Variants in PFKL observed in about 807,000 individuals in gnomAD.
PFKL encodes the protein phosphofructokinase, liver type.
PFKL carries 74 observed loss-of-function variants against 92.1 expected under a neutral mutation model. That is an observed-to-expected ratio of 0.80 (90% CI 0.67 to 0.97). PFKL has a LOEUF of 0.97. PFKL is among the 50% of genes least tolerant of loss of function. The pLI is 0.00. For synonymous variants in PFKL, 494 were observed against 456.4 expected, an observed-to-expected ratio of 1.08 and a Z score of -1.05; for missense variants, 1,028 against 1,116.6, an observed-to-expected ratio of 0.92 and a Z score of 1.13.
chr21:44,322,672 T>C (rs1365425967), intron 14 of PFKL, among the ~76,000 whole-genome samples: 4 of 152,148 alleles, frequency 2.6e-5, no homozygotes, highest in African/African-American at 9.7e-5. Context: ...CCGCTGAGTG[T>C]TGGGCGAGAA....
intron 13 of PFKL, 44 bp from the exon 14 acceptor site, chr21:44,322,089 C>T (rs1294147927): frequency 5.1e-6 from 8 of 1,573,260 alleles, no homozygotes; most frequent in African/African-American, 4.0e-5. Flanking sequence ...GGGAATTGGC[C>T]AGAGGCTCAG....
chr21:44,323,415 G>A (rs980008493), intron 15 of PFKL, among the ~76,000 whole-genome samples: 1 of 152,182 alleles, frequency 6.6e-6, no homozygotes, highest in Non-Finnish European at 1.5e-5. Context: ...TGTAGGTGCT[G>A]GACGGCATCG....
At chr21:44,315,335 A>G (rs931596950) in intron 7 of PFKL, 10 of 152,348 alleles carry the variant, frequency 6.6e-5, no homozygotes, top group Admixed American at 5.9e-4. Context: ...CCCCTGTAAC[A>G]TGCGGGTTCC....
chr21:44,300,255 C>T, intron 1 of PFKL, 65 bp downstream of exon 1: 2 of 786,214 alleles, frequency 2.5e-6, no homozygotes, highest in Non-Finnish European at 3.1e-6. Context: ...CTGGCCTCTC[C>T]GGAGCGCCCG....
At chr21:44,311,195 C>CACAG in intron 3 of PFKL, 112 bp downstream of exon 3, 13 of 731,128 alleles carry the variant, frequency 1.8e-5, no homozygotes, top group Non-Finnish European at 3.0e-5. Flanking sequence ...CACAAACACA[C>CACAG]ACATGCAGAC....
At chr21:44,313,806 C>G in intron 6 of PFKL, 107 bp from the exon 7 acceptor site, 1 of 1,322,066 alleles carries the variant, frequency 7.6e-7, no homozygotes. Context: ...GGGTGGGGGC[C>G]GGGAGAGACA....
chr21:44,316,000 T>A (rs993710355), intron 7 of PFKL: 10 of 543,920 alleles, frequency 1.8e-5, no homozygotes, highest in Non-Finnish European at 3.0e-5. Context: ...CCTGCTGCCC[T>A]TCCCAGGCTT....
At position 44,300,173 on chromosome 21, in the gene PFKL, G is replaced by T; in HGVS notation, c.68G>T (p.Ser23Ile). The change falls in exon 1 of 22, where the codon AGC becomes ATC. Residue 23 changes from serine to isoleucine, a missense_variant. Physicochemically the swap from Ser to Ile is moderately radical, Grantham distance 142 (BLOSUM62 -2). Transcript: ENST00000349048. Reference sequence around the variant, plus strand: ...GGCAAGGCCATCGGCGTCCTGACCAGCGGCGGCGACGCGCAAGGTGGGCGG... The same window carrying T: ...GGCAAGGCCATCGGCGTCCTGACCATCGGCGGCGACGCGCAAGGTGGGCGG... ...GAGKAIGVLT[S>I]GGDAQGMNAA... 8.6e-7 allele frequency: 1 copy of T among 1,160,086 alleles called. No homozygotes were observed. Among genetic ancestry groups the T allele is most frequent in the Non-Finnish European group, 1.1e-6 (1 of 932,682 alleles). The allele number at this position is 1,160,086 out of a possible 1,614,324, so 71.9% of individuals were successfully genotyped here. A position where few individuals can be genotyped will look rare whatever the true frequency, so the allele number is the denominator to read the frequency against.
chr21:44,323,726 T>G lies in PFKL; in HGVS notation c.1498-40T>G, dbSNP rs749898539. On this transcript the variant is annotated intron_variant, in intron 15 of 21. Transcript: ENST00000349048. ...AGCCTGTCCCCGGCCCACCCTGGCC[T>G]CGGTGCTGCCCTTGACCTGCCCCGT... is the stretch of plus-strand genomic sequence containing the variant. The G allele has an allele frequency of 1.9e-6, 3 of 1,581,944 alleles. No individual in the cohort carries two copies. The Admixed American group carries it at 5.3e-5, about 28-fold the overall frequency.
rs199922371 is a variant in PFKL, at chr21:44,313,967, C to T, written c.693C>T (p.Pro231=). 1.9e-4 allele frequency: 309 copies of T among 1,608,452 alleles called. No individual in the cohort carries two copies. Among genetic ancestry groups the T allele is most frequent in the East Asian group, 3.4e-4 (15 of 44,718 alleles). ...LASGADWLFI[P]EAPPEDGWEN... ...CAGGGGCCGACTGGCTGTTCATCCCCGAGGCTCCACCCGAGGACGGCTGGG... is the reference window on the plus strand; with the variant it reads ...CAGGGGCCGACTGGCTGTTCATCCCTGAGGCTCCACCCGAGGACGGCTGGG... Residue 231 remains proline, a synonymous_variant, in exon 7 of 22, where the codon CCC becomes CCT. Coordinates refer to ENST00000349048, the MANE Select transcript of PFKL (RefSeq NM_002626.6).
Position 44,323,770 on chromosome 21 carries a change from A to G in PFKL, c.1502A>G (p.Tyr501Cys), listed in dbSNP as rs2047420978. 1 of 1,611,920 alleles carries G rather than the reference A, an allele frequency of 6.2e-7. No homozygotes were observed. Among genetic ancestry groups the G allele is most frequent in the South Asian group, 1.1e-5 (1 of 90,800 alleles). Reference protein sequence around the residue: ...ALLVVGGFEAYEGVLQLVEAR... With the variant: ...ALLVVGGFEACEGVLQLVEAR... The stretch of plus-strand genomic sequence containing the variant: ...GCCCCGTCCCTACTGCTGCAGGCCT[A>G]TGAAGGGGTGCTGCAGCTGGTGGAG... Residue 501 changes from tyrosine (Y) to cysteine (C), a missense_variant, in exon 16 of 22, where the codon TAT (tyrosine) becomes TGT (cysteine). Transcript: ENST00000349048.
intron 3 of PFKL, 103 bp downstream of exon 3, chr21:44,311,186 A>G (rs576892560): frequency 2.5e-6 from 2 of 789,538 alleles, no homozygotes; most frequent in South Asian, 1.7e-5. Context: ...AGACACGTGC[A>G]CAAACACACA....
chr21:44,318,726 C>A, intron 10 of PFKL, 131 bp downstream of exon 10: 38 of 540,916 alleles, frequency 7.0e-5, no homozygotes, highest in East Asian at 8.6e-5. Context: ...TGGCCCAGGG[C>A]ATCCCAGGTC....
intron 11 of PFKL, 185 bp from the exon 12 acceptor site, chr21:44,319,899 T>C (rs1345260175): frequency 1.7e-6 from 1 of 590,984 alleles, no homozygotes; most frequent in Non-Finnish European, 3.0e-6. Flanking sequence ...TCGTGTTGTG[T>C]TGGGGGTCTC....
rs751954734 is a variant in PFKL, at chr21:44,312,202, A to G, written c.335A>G (p.Asn112Ser). ...AACCTGGTCCAGCACGGCATCACCAACCTGTGCGTCATCGGCGGGGATGGC... is the reference window on the plus strand; with the variant it reads ...AACCTGGTCCAGCACGGCATCACCAGCCTGTGCGTCATCGGCGGGGATGGC... The part of the protein sequence containing the change: ...AYNLVQHGIT[N>S]LCVIGGDGSL... The change falls in exon 4 of 22, where the codon AAC becomes AGC. Residue 112 changes from asparagine to serine, a missense_variant. Transcript: ENST00000349048. The G allele has an allele frequency of 1.2e-6, 2 of 1,606,636 alleles. No homozygotes were observed. The highest frequency in any genetic ancestry group is 1.1e-5 in the South Asian group (1 of 89,886).
chr21:44,315,784 G>A (rs777626765), intron 7 of PFKL: 13 of 209,854 alleles, frequency 6.2e-5, no homozygotes, highest in Admixed American at 1.1e-4. Context: ...CCAGCGATGC[G>A]GGGCCCCTGG....
chr21:44,324,832 C>T, intron 17 of PFKL, 24 bp from the exon 18 acceptor site: 2 of 1,601,932 alleles, frequency 1.2e-6, no homozygotes, highest in Non-Finnish European at 1.7e-6. Flanking sequence ...TCCTCCGGCT[C>T]ATCCGTGTCC....
rs2047535282 is a variant in PFKL, at chr21:44,327,071, G to A, written c.*209G>A. On this transcript the variant is annotated 3_prime_UTR_variant, in exon 22 of 22. Coordinates refer to ENST00000349048, the MANE Select transcript of PFKL (RefSeq NM_002626.6). The stretch of plus-strand genomic sequence containing the variant: ...ACCAGCCTGCCAGGCCCTCCAGCAG[G>A]AGGACAGAGTGCCCTGGGGCATCCA... 6.7e-6 allele frequency: 4 copies of A among 594,038 alleles called. No individual in the cohort carries two copies. The highest frequency in any genetic ancestry group is 1.2e-5 in the Non-Finnish European group (4 of 332,900). 36.8% of individuals were successfully genotyped at this position (594,038 alleles called of 1,614,324 possible). A position where few individuals can be genotyped will look rare whatever the true frequency, so the allele number is the denominator to read the frequency against.
intron 12 of PFKL, chr21:44,321,214 G>C (rs946360843): frequency 1.3e-5 from 2 of 152,524 alleles, no homozygotes; most frequent in African/African-American, 4.8e-5. Flanking sequence ...TGGGTGGAGG[G>C]GAGGTGGTGG....
Sources: allele counts gnomAD v4.1 joint callset (sites outside exome capture counted in the v4.1 genomes callset), GRCh38; gene constraint gnomAD v4.1.1; transcripts MANE v1.5; gene names NCBI Gene and HGNC (gene_info 2026-07-23, HGNC 2026-07-21).